Variants in ADA observed in about 807,000 individuals in gnomAD.
ADA encodes the protein adenosine aminohydrolase.
In ADA, 45 loss-of-function variants were observed where a neutral mutation model predicts 49.0. The ratio of observed to expected loss-of-function variants is 0.92; its 90% CI spans 0.72 to 1.18. The LOEUF is 1.18. Ranked by LOEUF, ADA falls within the 50% of genes most tolerant of loss-of-function variation. ADA has a pLI of 0.00. For missense variants in ADA, 445 were observed against 472.5 expected (o/e 0.94, Z 0.54); for synonymous variants, 173 against 184.2 (o/e 0.94, Z 0.49).
chr20:44,645,420 G>A lies in ADA; in HGVS notation c.33+6155C>T, dbSNP rs1426265135. Among the ~76,000 whole-genome samples, 4 of 150,384 alleles carry A rather than the reference G, an allele frequency of 2.7e-5. No individual in the cohort carries two copies. In the East Asian group the frequency reaches 7.8e-4, roughly 29 times the overall value. ...GGTACCCAGGACTACTTCAAGGACA[G>A]CCATTGTTATGGCCAACATGGTGAA... On this transcript the variant is annotated intron_variant, in intron 1 of 11. Transcript: ENST00000372874.
intron 1 of ADA, among the ~76,000 whole-genome samples, chr20:44,643,668 A>G (rs73300354): frequency 0.042 from 6,421 of 152,146 alleles, 165 homozygotes; most frequent in African/African-American, 0.068. Flanking sequence ...CCTGGCACTC[A>G]TGTCGAGACA....
rs186600696 is a variant in ADA at position 44,641,427 on chromosome 20, A to G, written c.34-5139T>C. On this transcript the variant is annotated intron_variant, in intron 1 of 11. Coordinates refer to ENST00000372874, the MANE Select transcript of ADA (RefSeq NM_000022.4). ...AAGAAGGTTTAGACTACTCTTTCAC[A>G]ATTTTGCCCCTAAAGGAACTAGCAG... 2.4e-3 allele frequency among the ~76,000 whole-genome samples: 366 copies of G among 152,256 alleles called. 2 individuals carry two copies. The highest frequency in any genetic ancestry group is 2.3e-3 in the Non-Finnish European group (158 of 68,012).
At chr20:44,623,674 C>T (rs191644530) in intron 6 of ADA, among the ~76,000 whole-genome samples, 88 of 151,942 alleles carry the variant, frequency 5.8e-4, no homozygotes, top group African/African-American at 2.0e-3. Flanking sequence ...TCTTTCCTTC[C>T]TTCCTCCCTC....
At chr20:44,621,511 G>C (rs1387080960) in intron 9 of ADA, among the ~76,000 whole-genome samples, 1 of 152,084 alleles carries the variant, frequency 6.6e-6, no homozygotes, top group Non-Finnish European at 1.5e-5. Context: ...TACCCTGCTT[G>C]TTCCTCAGTC....
At chr20:44,643,933 A>AGGGC (rs923966213) in intron 1 of ADA, among the ~76,000 whole-genome samples, 28 of 152,026 alleles carry the variant, frequency 1.8e-4, no homozygotes, top group African/African-American at 6.7e-4. Flanking sequence ...AGAGAGGTCC[A>AGGGC]GGGCGGTGGG....
At chr20:44,649,862 C>T (rs756582771) in intron 1 of ADA, among the ~76,000 whole-genome samples, 15 of 151,266 alleles carry the variant, frequency 9.9e-5, no homozygotes, top group African/African-American at 2.4e-4. Flanking sequence ...CAGCCTTCTG[C>T]GTAGCTGGGA....
chr20:44,649,994 CA>C (rs553731387), intron 1 of ADA, among the ~76,000 whole-genome samples: 1 of 152,216 alleles, frequency 6.6e-6, no homozygotes, highest in Non-Finnish European at 1.5e-5. Flanking sequence ...CTTTGCCTCC[CA>C]AAGTGCTGGG....
rs2065326824 is a variant in ADA, at chr20:44,621,076, G to A, written c.917C>T (p.Thr306Ile). The change falls in exon 10 of 12, where the codon ACT becomes ATT. Residue 306 changes from threonine to isoleucine, a missense_variant. Transcript: ENST00000372874. ...DPLIFKSTLD[T>I]DYQMTKRDMG... The stretch of plus-strand genomic sequence containing the variant: ...GTCCCGTTTGGTCATCTGGTAATCA[G>A]TGTCCAGGGTGGACTTGAAGATGAG... 1 of 1,614,078 alleles carries A rather than the reference G, an allele frequency of 6.2e-7. No homozygotes were observed. The highest frequency in any genetic ancestry group is 8.5e-7 in the Non-Finnish European group (1 of 1,180,050).
chr20:44,626,358 G>T, intron 4 of ADA, 98 bp downstream of exon 4: 2 of 1,563,658 alleles, frequency 1.3e-6, no homozygotes, highest in Non-Finnish European at 8.8e-7. Flanking sequence ...ACAAGGTCTT[G>T]CTTGGGTCAG....
chr20:44,620,818 C>G lies in ADA; in HGVS notation c.975+200G>C. 8.7e-6 allele frequency: 6 copies of G among 692,580 alleles called. No homozygotes were observed. In the South Asian group the frequency reaches 1.0e-4, roughly 12 times the overall value. The allele number at this position is 692,580 out of a possible 1,614,324, so 42.9% of individuals were successfully genotyped here. ...ATTCTTTAAAGGCACTCAACCCAAGCAAAGGATCAAAAACCTGGTCCTAGG... is the reference window on the plus strand; with the variant it reads ...ATTCTTTAAAGGCACTCAACCCAAGGAAAGGATCAAAAACCTGGTCCTAGG... On this transcript the variant is annotated intron_variant, in intron 10 of 11. Transcript: ENST00000372874.
intron 5 of ADA, among the ~76,000 whole-genome samples, chr20:44,625,311 G>A (rs910768852): frequency 7.9e-5 from 12 of 151,990 alleles, no homozygotes; most frequent in African/African-American, 1.9e-4. Context: ...CAATAGTTAC[G>A]TTCCTATTTG....
chr20:44,649,428 C>T (rs916135728), intron 1 of ADA, among the ~76,000 whole-genome samples: 2 of 151,982 alleles, frequency 1.3e-5, no homozygotes, highest in Admixed American at 6.6e-5. Context: ...TAACATTCTA[C>T]CTTCACTCTC....
At chr20:44,639,341 C>T (rs755247412) in intron 1 of ADA, among the ~76,000 whole-genome samples, 1 of 152,032 alleles carries the variant, frequency 6.6e-6, no homozygotes, top group Admixed American at 6.5e-5. Flanking sequence ...CTGGAGCTCC[C>T]TCCAGGAGGG....
chr20:44,622,965 G>A (rs904442047), intron 7 of ADA, 35 bp from the exon 8 acceptor site: 2 of 1,614,114 alleles, frequency 1.2e-6, no homozygotes, highest in African/African-American at 2.7e-5. Flanking sequence ...AGTATGGGAG[G>A]AGGCAGTGAG....
intron 2 of ADA, among the ~76,000 whole-genome samples, chr20:44,631,418 C>T (rs1330345194): frequency 6.6e-6 from 1 of 152,148 alleles, no homozygotes; most frequent in African/African-American, 2.4e-5. Flanking sequence ...GGCCAGCTGC[C>T]CCAAAGTCAC....
chr20:44,621,954 C>A (rs567031363), intron 9 of ADA, among the ~76,000 whole-genome samples: 1 of 152,328 alleles, frequency 6.6e-6, no homozygotes, highest in Admixed American at 6.5e-5. Context: ...AACATCAGAG[C>A]CGAAGCCCCT....
chr20:44,625,930 C>A (rs1303016627), intron 4 of ADA, among the ~76,000 whole-genome samples: 1 of 152,192 alleles, frequency 6.6e-6, no homozygotes, highest in Admixed American at 6.5e-5. Flanking sequence ...GCCCTCCCCA[C>A]CCCCAGATGG....
chr20:44,629,122 T>C lies in ADA; in HGVS notation c.143A>G (p.Asn48Ser), dbSNP rs1276626543. ...LPANTAEGLL[N>S]VIGMDKPLTL... is the part of the protein sequence containing the mutation. The stretch of plus-strand genomic sequence containing the variant: ...GAGCGGCTTGTCCATGCCAATGACG[T>C]TCAGCAGCCCCTCTGCTGTGTTAGC... The change falls in exon 3 of 12, where the codon AAC (asparagine) becomes AGC (serine). Residue 48 changes from asparagine to serine, a missense_variant. Physicochemically the swap from Asn to Ser is conservative, Grantham distance 46. Coordinates refer to ENST00000372874, the MANE Select transcript of ADA (RefSeq NM_000022.4). The C allele has an allele frequency of 1.9e-6, 3 of 1,614,194 alleles. No homozygotes were observed. Among genetic ancestry groups the C allele is most frequent in the Middle Eastern group, 1.6e-4 (1 of 6,062 alleles).
Position 44,624,191 on chromosome 20 carries a change from A to T in ADA, c.606+11T>A. 6.2e-7 allele frequency: 1 copy of T among 1,606,392 alleles called. No individual in the cohort carries two copies. Among genetic ancestry groups the T allele is most frequent in the South Asian group, 1.1e-5 (1 of 90,018 alleles). On this transcript the variant is annotated intron_variant, in intron 6 of 11. Transcript: ENST00000372874. ...AGGGCCAGCCTCTCCATTCCTTCTC[A>T]CAGGACCCACCTGGTAGGCCTGGAC...
Sources: gnomAD v4.1 joint callset for allele counts (sites outside exome capture counted in the v4.1 genomes callset) on GRCh38, gnomAD v4.1.1 for gene constraint, MANE v1.5 for transcripts, NCBI Gene and HGNC (gene_info 2026-07-23, HGNC 2026-07-21) for gene names.